PCDH11Y: variants seen among roughly 807,000 people sequenced by gnomAD.
PCDH11Y encodes protocadherin-11 Y-linked.
For missense variants in PCDH11Y, 12 were observed against 224.8 expected (o/e 0.05, Z 6.05); for synonymous variants, 9 against 83.6 (o/e 0.11, Z 4.87).
intron 2 of PCDH11Y, among the ~76,000 whole-genome samples, chrY:5,394,088 T>C (rs2053224560): frequency 3.0e-5 from 1 of 33,034 alleles, no homozygotes; most frequent in African/African-American, 1.2e-4. Context: ...ATTCAATGTT[T>C]GTTAATAGCA....
chrY:5,009,371 G>A, intron 1 of PCDH11Y, among the ~76,000 whole-genome samples: 1 of 33,369 alleles, frequency 3.0e-5, no homozygotes, highest in Non-Finnish European at 7.4e-5. Flanking sequence ...ATGATGTTTT[G>A]ATATGGAAAA....
At chrY:5,016,928 T>C in intron 1 of PCDH11Y, among the ~76,000 whole-genome samples, 1 of 33,351 alleles carries the variant, frequency 3.0e-5, no homozygotes, top group Non-Finnish European at 7.5e-5. Context: ...ATTTGCCCCA[T>C]TTTAAATATT....
chrY:5,245,271 C>T (rs2052994339), intron 2 of PCDH11Y, among the ~76,000 whole-genome samples: 8 of 32,058 alleles, frequency 2.5e-4, no homozygotes, highest in Non-Finnish European at 6.1e-4. Context: ...CTTTGTTAAA[C>T]GGGTCCTGCT....
chrY:5,465,918 A>C, intron 2 of PCDH11Y, among the ~76,000 whole-genome samples: 2 of 34,829 alleles, frequency 5.7e-5, no homozygotes, highest in African/African-American at 2.2e-4. Context: ...CAGCTATCGA[A>C]TAATGGAAAA....
intron 4 of PCDH11Y, among the ~76,000 whole-genome samples, chrY:5,616,392 G>A: frequency 3.0e-5 from 1 of 33,028 alleles, no homozygotes; most frequent in Non-Finnish European, 7.4e-5. Flanking sequence ...CTAAGTGTAG[G>A]GGAAATTCTG....
At chrY:5,721,029 A>C in intron 4 of PCDH11Y, among the ~76,000 whole-genome samples, 1 of 33,524 alleles carries the variant, frequency 3.0e-5, no homozygotes, top group Non-Finnish European at 7.4e-5. Context: ...CCCATACTCC[A>C]ATTCACTTAT....
At chrY:5,082,802 G>A in intron 1 of PCDH11Y, among the ~76,000 whole-genome samples, 1 of 31,755 alleles carries the variant, frequency 3.1e-5, no homozygotes, top group African/African-American at 1.3e-4. Flanking sequence ...GACTGGAGTT[G>A]CTGATATTCC....
At chrY:5,244,421 G>C in intron 2 of PCDH11Y, among the ~76,000 whole-genome samples, 1 of 33,219 alleles carries the variant, frequency 3.0e-5, no homozygotes, top group Non-Finnish European at 7.4e-5. Flanking sequence ...GAACCGGCAA[G>C]TGAGGTATCC....
chrY:5,447,135 T>C (rs2053288433), intron 2 of PCDH11Y, among the ~76,000 whole-genome samples: 25 of 33,405 alleles, frequency 7.5e-4, no homozygotes, highest in African/African-American at 2.9e-3. Flanking sequence ...GAAATATTGT[T>C]ATATTAAATC....
intron 2 of PCDH11Y, among the ~76,000 whole-genome samples, chrY:5,143,505 T>C: frequency 3.0e-5 from 1 of 33,484 alleles, no homozygotes; most frequent in Non-Finnish European, 7.4e-5. Context: ...TTGATTATTT[T>C]TGCCCTTTAC....
chrY:5,386,948 T>C, intron 2 of PCDH11Y, among the ~76,000 whole-genome samples: 1 of 21,320 alleles, frequency 4.7e-5, no homozygotes, highest in African/African-American at 1.9e-4. Context: ...TGTCATATTA[T>C]GAGAATTATT....
chrY:5,663,145 A>T, intron 4 of PCDH11Y, among the ~76,000 whole-genome samples: 2 of 29,666 alleles, frequency 6.7e-5, no homozygotes, highest in Non-Finnish European at 1.6e-4. Context: ...AATTTAAAAA[A>T]TAACCACAAA....
intron 1 of PCDH11Y, among the ~76,000 whole-genome samples, chrY:5,058,598 A>G: frequency 3.3e-5 from 1 of 30,309 alleles, no homozygotes; most frequent in East Asian, 8.5e-4. Context: ...ATGCTGATCT[A>G]TTGTAAAGAT....
intron 1 of PCDH11Y, among the ~76,000 whole-genome samples, chrY:5,017,020 CTT>C (rs2052561926): frequency 6.0e-5 from 2 of 33,383 alleles, no homozygotes; most frequent in African/African-American, 1.2e-4. Flanking sequence ...GTAAACTATT[CTT>C]CAGCAAACAT....
chrY:5,094,726 A>C, intron 1 of PCDH11Y, among the ~76,000 whole-genome samples: 1 of 30,720 alleles, frequency 3.3e-5, no homozygotes, highest in Non-Finnish European at 8.0e-5. Context: ...TGGGTAGTGC[A>C]AGTAGGAACT....
chrY:5,445,548 C>T (rs1602926940), intron 2 of PCDH11Y, among the ~76,000 whole-genome samples: 1 of 29,176 alleles, frequency 3.4e-5, no homozygotes, highest in South Asian at 8.4e-4. Context: ...CTTCCTTCTT[C>T]TGCTTTTACT....
At chrY:5,346,255 T>A in intron 2 of PCDH11Y, among the ~76,000 whole-genome samples, 1 of 33,125 alleles carries the variant, frequency 3.0e-5, no homozygotes. Context: ...TTTTTTGAGA[T>A]GGAGTCTCTC....
chrY:5,386,452 C>T (rs2053215805), intron 2 of PCDH11Y, among the ~76,000 whole-genome samples: 1 of 32,786 alleles, frequency 3.1e-5, no homozygotes, highest in Non-Finnish European at 7.4e-5. Context: ...ATATGTTTTC[C>T]AGACTTTTAG....
intron 4 of PCDH11Y, among the ~76,000 whole-genome samples, chrY:5,588,002 CT>C (rs2053457485): frequency 4.7e-5 from 1 of 21,411 alleles, no homozygotes; most frequent in Non-Finnish European, 1.1e-4. Flanking sequence ...CCTTCTCTTC[CT>C]TCTTTCCTTC....
Sources: gnomAD v4.1 joint callset for allele counts (sites outside exome capture counted in the v4.1 genomes callset) on GRCh38, gnomAD v4.1.1 for gene constraint, MANE v1.5 for transcripts, NCBI Gene and HGNC (gene_info 2026-07-23, HGNC 2026-07-21) for gene names.